The following INTS7 variants were observed in gnomAD, a reference collection of about 807,000 sequenced individuals.
The protein encoded by INTS7 is chromosome 1 open reading frame 73.
A neutral mutation model predicts 109.2 loss-of-function variants in INTS7; 46 were observed. The observed-to-expected ratio is 0.42, with a 90% CI of 0.33 to 0.54. The LOEUF is 0.54. INTS7 is among the 20% of genes least tolerant of loss of function. The pLI, the probability that INTS7 is intolerant of heterozygous loss-of-function variation, is 0.07. For synonymous variants in INTS7, 412 were observed against 402.9 expected (o/e 1.02, Z -0.27); for missense variants, 929 against 1,132.4 (o/e 0.82, Z 2.58).
At chr1:211,968,235 A>G (rs1218594855) in intron 14 of INTS7, among the ~76,000 whole-genome samples, 1 of 152,224 alleles carries the variant, frequency 6.6e-6, no homozygotes, top group Non-Finnish European at 1.5e-5. Flanking sequence ...TAGCGTCTTC[A>G]AGTTCCACTA....
chr1:212,028,065 G>T (rs1267073046), intron 1 of INTS7, among the ~76,000 whole-genome samples: 3 of 152,132 alleles, frequency 2.0e-5, no homozygotes, highest in Non-Finnish European at 4.4e-5. Flanking sequence ...AACCTCAGGT[G>T]ATCCTCCCGC....
rs1323159370 is a variant in INTS7 at position 212,016,913 on chromosome 1, G to C, written c.482C>G (p.Ala161Gly). 10 of 1,607,622 alleles carry C rather than the reference G, an allele frequency of 6.2e-6. No individual in the cohort carries two copies. The highest frequency in any genetic ancestry group is 7.6e-6 in the Non-Finnish European group (9 of 1,177,746). ...TGACTGTGCAGAGAAGTTTGCAGCA[G>C]CAAAAACAGCAGCTTCAACTTCTAC... is the stretch of plus-strand genomic sequence containing the variant. ...DNVEVEAAVF[A>G]AANFSAQSKD... The change falls in exon 4 of 20, where the codon GCT becomes GGT. Residue 161 changes from alanine (A) to glycine (G), a missense_variant. Transcript: ENST00000366994.
rs564594829 is a variant in INTS7, at chr1:211,963,931, A to G, written c.2183+2499T>C. 3.1e-3 allele frequency among the ~76,000 whole-genome samples: 473 copies of G among 152,334 alleles called. 5 individuals are homozygous for G. The highest frequency in any genetic ancestry group is 4.4e-3 in the Non-Finnish European group (299 of 68,024). On this transcript the variant is annotated intron_variant, in intron 16 of 19. Transcript: ENST00000366994. The stretch of plus-strand genomic sequence containing the variant: ...GGAAGCATTCCCCCTGAAAACCGGC[A>G]TAACAAAAGGATGCTCTCTCTCACC...
chr1:211,992,353 G>T (rs955605202), intron 7 of INTS7, among the ~76,000 whole-genome samples: 2 of 152,006 alleles, frequency 1.3e-5, no homozygotes, highest in Non-Finnish European at 2.9e-5. Context: ...TAAATAAGAA[G>T]AATTTTACCA....
rs554905425 is a variant in INTS7 at position 212,007,814 on chromosome 1, T to G, written c.557-365A>C. ...ACACACACACTTGATGGCTACAGTCTGATTATACTTATGATTTTAATTATT... is the reference window on the plus strand; with the variant it reads ...ACACACACACTTGATGGCTACAGTCGGATTATACTTATGATTTTAATTATT... On this transcript the variant is annotated intron_variant, in intron 5 of 19. Transcript: ENST00000366994. Among the ~76,000 whole-genome samples the G allele has an allele frequency of 2.0e-4, 31 of 152,334 alleles. 1 individual carries two copies. The South Asian group carries it at 3.3e-3, about 16-fold the overall frequency.
intron 16 of INTS7, among the ~76,000 whole-genome samples, chr1:211,958,281 T>C (rs1051899079): frequency 1.3e-5 from 2 of 152,198 alleles, no homozygotes; most frequent in African/African-American, 4.8e-5. Context: ...TTCCTGAATA[T>C]GGAATTATAG....
At chr1:211,983,304 A>G (rs1437042303) in intron 8 of INTS7, among the ~76,000 whole-genome samples, 1 of 152,170 alleles carries the variant, frequency 6.6e-6, no homozygotes, top group African/African-American at 2.4e-5. Flanking sequence ...ATCTGATTTA[A>G]CACACCCTAT....
Position 211,978,351 on chromosome 1 carries a change from C to T in INTS7, c.1391G>A (p.Gly464Asp). The change falls in exon 11 of 20, where the codon GGT (glycine) becomes GAT (aspartate). Residue 464 changes from glycine (G) to aspartate (D), a missense_variant. Physicochemically the swap from Gly to Asp is moderately conservative, Grantham distance 94. Around this residue, in one of 2 missense-constraint regions of INTS7, gnomAD observed 787 missense variants for 901.1 expected, o/e 0.87. Coordinates refer to ENST00000366994, the MANE Select transcript of INTS7 (RefSeq NM_015434.4). The stretch of plus-strand genomic sequence containing the variant: ...CATGAGGTCACCAAGCATCCCATCA[C>T]CCAGCACCGGCAGTTGCATGGCAAT... The part of the protein sequence containing the change: ...AAIAMQLPVL[G>D]DGMLGDLMEL... 6.2e-7 allele frequency: 1 copy of T among 1,614,188 alleles called. No individual in the cohort carries two copies. Among genetic ancestry groups the T allele is most frequent in the Non-Finnish European group, 8.5e-7 (1 of 1,180,028 alleles).
At chr1:212,006,095 G>C (rs920162316) in intron 7 of INTS7, among the ~76,000 whole-genome samples, 13 of 151,968 alleles carry the variant, frequency 8.6e-5, no homozygotes, top group African/African-American at 3.1e-4. Flanking sequence ...TCTATTTTGA[G>C]AAAAAAATAA....
intron 10 of INTS7, among the ~76,000 whole-genome samples, chr1:211,978,995 A>G (rs1161776560): frequency 1.3e-5 from 2 of 152,200 alleles, no homozygotes; most frequent in African/African-American, 4.8e-5. Context: ...AGATGACTCT[A>G]AGTACACTGA....
chr1:211,997,528 GAAA>G (rs71137714), intron 7 of INTS7, among the ~76,000 whole-genome samples: 1 of 58,956 alleles, frequency 1.7e-5, no homozygotes, highest in African/African-American at 7.1e-5. Context: ...TCTCCAAACA[GAAA>G]AAAAAAAAAA....
chr1:212,022,630 CCAA>C (rs1424551111), intron 1 of INTS7, among the ~76,000 whole-genome samples: 3 of 152,206 alleles, frequency 2.0e-5, no homozygotes, highest in African/African-American at 7.2e-5. Context: ...TTTAAAAAGA[CCAA>C]CAATGTCAAG....
rs1352433152 is a variant in INTS7, at chr1:211,959,546, T to C, written c.2184-6845A>G. Among the ~76,000 whole-genome samples, 1 of 152,150 alleles carries C rather than the reference T, an allele frequency of 6.6e-6. No individual in the cohort carries two copies. The highest frequency in any genetic ancestry group is 2.4e-5 in the African/African-American group (1 of 41,434). ...GGCCCATGGCCACCCTCGACATTGC[T>C]TTGCCTGCGTGTGCATGGGCAGATC... On this transcript the variant is annotated intron_variant, in intron 16 of 19. Coordinates refer to ENST00000366994, the MANE Select transcript of INTS7 (RefSeq NM_015434.4). The surrounding 1 kb of genome is among the most constrained non-coding windows in gnomAD (Gnocchi z 4.2).
chr1:211,963,112 T>TA (rs1678753686), intron 16 of INTS7, among the ~76,000 whole-genome samples: 3 of 152,108 alleles, frequency 2.0e-5, no homozygotes, highest in Non-Finnish European at 4.4e-5. Flanking sequence ...ATCTATTTGA[T>TA]AGACGGCTGG....
intron 3 of INTS7, among the ~76,000 whole-genome samples, chr1:212,019,020 C>T (rs149571433): frequency 0.02 from 3,082 of 152,234 alleles, 100 homozygotes; most frequent in African/African-American, 0.069. Context: ...GAGGCCGAAG[C>T]GGGCAGATCA....
chr1:212,001,014 A>T (rs896869928), intron 7 of INTS7, among the ~76,000 whole-genome samples: 2 of 149,358 alleles, frequency 1.3e-5, no homozygotes, highest in Admixed American at 6.7e-5. Context: ...CAAACAGCAT[A>T]CCCTTTAGCA....
At chr1:211,987,512 T>C (rs1036506730) in intron 8 of INTS7, among the ~76,000 whole-genome samples, 14 of 152,164 alleles carry the variant, frequency 9.2e-5, no homozygotes, top group Admixed American at 5.9e-4. Context: ...AGGAAGCATA[T>C]GACATTTGCT....
chr1:212,015,086 T>TG (rs1171345575), intron 4 of INTS7, among the ~76,000 whole-genome samples: 1 of 139,406 alleles, frequency 7.2e-6, no homozygotes, highest in African/African-American at 3.2e-5. Context: ...ATCCGGGAGG[T>TG]GGGGGGCGGC....
intron 18 of INTS7, among the ~76,000 whole-genome samples, chr1:211,945,412 TA>T (rs1221137028): frequency 4.6e-5 from 7 of 152,200 alleles, no homozygotes; most frequent in African/African-American, 7.2e-5. Flanking sequence ...CACTGTGCTA[TA>T]AAAAAAGTCA....
Sources: allele counts gnomAD v4.1 joint callset (sites outside exome capture counted in the v4.1 genomes callset), GRCh38; gene constraint gnomAD v4.1.1; regional missense constraint gnomAD v4.1.1; non-coding constraint Gnocchi (gnomAD v3.1); transcripts MANE v1.5; gene names NCBI Gene and HGNC (gene_info 2026-07-23, HGNC 2026-07-21).